The following AGBL4 variants were observed in gnomAD, a reference collection of about 807,000 sequenced individuals.
The protein encoded by AGBL4 is cytosolic carboxypeptidase 6.
A neutral mutation model predicts 66.4 loss-of-function variants in AGBL4; 58 were observed. That is an observed-to-expected ratio of 0.87 (90% CI 0.71 to 1.09). The LOEUF (loss-of-function observed/expected upper bound fraction) is 1.09. AGBL4 is among the 50% of genes least tolerant of loss of function. The pLI, the probability that AGBL4 is intolerant of heterozygous loss-of-function variation, is 0.00. For synonymous variants in AGBL4, 234 were observed against 222.9 expected (o/e 1.05, Z -0.44); for missense variants, 579 against 631.0 (o/e 0.92, Z 0.88).
chr1:49,900,323 A>G, intron 1 of AGBL4, among the ~76,000 whole-genome samples: 1 of 151,816 alleles, frequency 6.6e-6, no homozygotes, highest in East Asian at 2.0e-4. Context: ...TCGGCTCACC[A>G]CAAACTCTGC....
Position 49,293,968 on chromosome 1 carries a change from C to T in AGBL4, c.283-48104G>A, listed in dbSNP as rs1352439736. ...CAGATATGATTTTTCAGCTCTGGAG[C>T]AGAACTAAATCTAAATGTCAACTGA... On this transcript the variant is annotated intron_variant, in intron 3 of 13. Coordinates refer to ENST00000371839, the MANE Select transcript of AGBL4 (RefSeq NM_032785.4). Among the ~76,000 whole-genome samples, 3 of 152,122 alleles carry T rather than the reference C, an allele frequency of 2.0e-5. No homozygotes were observed. The East Asian group carries it at 5.8e-4, about 29-fold the overall frequency.
intron 5 of AGBL4, among the ~76,000 whole-genome samples, chr1:48,942,127 A>T (rs1289007114): frequency 6.6e-6 from 1 of 152,238 alleles, no homozygotes; most frequent in African/African-American, 2.4e-5. Context: ...GAAAGTTGCC[A>T]TTATAAACTC....
chr1:48,759,997 G>A (rs751409704), intron 6 of AGBL4, among the ~76,000 whole-genome samples: 2 of 152,182 alleles, frequency 1.3e-5, no homozygotes, highest in Non-Finnish European at 2.9e-5. Flanking sequence ...TGTTACAGGT[G>A]AGAAAACTGA....
At chr1:50,010,306 CA>C (rs35823694) in intron 1 of AGBL4, among the ~76,000 whole-genome samples, 88,747 of 144,376 alleles carry the variant, frequency 0.61, 26,977 homozygotes, top group Middle Eastern at 0.69. Flanking sequence ...GACTCCATCT[CA>C]AAAAAAAAAA....
At chr1:48,901,604 G>A (rs1652086394) in intron 5 of AGBL4, among the ~76,000 whole-genome samples, 1 of 152,124 alleles carries the variant, frequency 6.6e-6, no homozygotes, top group South Asian at 2.1e-4. Context: ...CTGAGTAAAA[G>A]AAGCCTGACA....
At chr1:49,269,794 C>G (rs1323100417) in intron 3 of AGBL4, among the ~76,000 whole-genome samples, 1 of 152,068 alleles carries the variant, frequency 6.6e-6, no homozygotes, top group South Asian at 2.1e-4. Flanking sequence ...TCTATGTACA[C>G]GTTAATAAAT....
intron 3 of AGBL4, among the ~76,000 whole-genome samples, chr1:49,507,252 T>C (rs1648777667): frequency 1.3e-5 from 2 of 151,948 alleles, no homozygotes; most frequent in Non-Finnish European, 2.9e-5. Context: ...CTAGGACCAA[T>C]TACCAGCCAT....
At chr1:48,796,070 C>T (rs1481564561) in intron 6 of AGBL4, among the ~76,000 whole-genome samples, 1 of 152,246 alleles carries the variant, frequency 6.6e-6, no homozygotes, top group East Asian at 1.9e-4. Context: ...AGTGGGTCAA[C>T]TTCCTTTTAC....
intron 4 of AGBL4, chr1:49,048,366 A>C (rs1644131244): frequency 6.6e-6 from 1 of 152,092 alleles, no homozygotes; most frequent in African/African-American, 2.4e-5. Flanking sequence ...ATTATGTGCT[A>C]TCAGGAGAAT....
intron 3 of AGBL4, among the ~76,000 whole-genome samples, chr1:49,570,320 C>A (rs927351201): frequency 9.9e-5 from 15 of 152,012 alleles, no homozygotes; most frequent in African/African-American, 3.6e-4. Flanking sequence ...GCATTTTTCT[C>A]ATGATTAGTG....
At chr1:49,060,473 G>C (rs1170058254) in intron 4 of AGBL4, among the ~76,000 whole-genome samples, 1 of 152,114 alleles carries the variant, frequency 6.6e-6, no homozygotes, top group Non-Finnish European at 1.5e-5. Context: ...TGAGATAAGA[G>C]ATTTTAAGCA....
chr1:49,258,415 T>G (rs1652755044), intron 3 of AGBL4, among the ~76,000 whole-genome samples: 2 of 152,038 alleles, frequency 1.3e-5, no homozygotes, highest in African/African-American at 4.8e-5. Context: ...TGAAAAAAAT[T>G]TAGACGAATG....
intron 7 of AGBL4, among the ~76,000 whole-genome samples, chr1:48,661,643 G>GAT (rs1646109353): frequency 6.6e-6 from 1 of 152,222 alleles, no homozygotes; most frequent in South Asian, 2.1e-4. Context: ...GAGCACCTGA[G>GAT]ATCCATTCAA....
chr1:48,591,522 T>C (rs1644918797), intron 9 of AGBL4, among the ~76,000 whole-genome samples: 1 of 152,168 alleles, frequency 6.6e-6, no homozygotes, highest in South Asian at 2.1e-4. Flanking sequence ...ACGAGTATTT[T>C]AATTCAAACC....
At position 49,751,559 on chromosome 1, in the gene AGBL4, T is replaced by C. The variant is rs376239709; in HGVS notation, c.158-54122A>G. Among the ~76,000 whole-genome samples the C allele has an allele frequency of 2.6e-5, 4 of 152,132 alleles. No homozygotes were observed. The East Asian group carries it at 7.7e-4, about 29-fold the overall frequency. On this transcript the variant is annotated intron_variant, in intron 2 of 13. Coordinates refer to ENST00000371839, the MANE Select transcript of AGBL4 (RefSeq NM_032785.4). ...GAAATTTTCTTTTGTGTTGGATCTC[T>C]ACCAGGTTTTAGTATCAGAATGATG...
At chr1:48,994,145 T>C (rs924276757) in intron 5 of AGBL4, among the ~76,000 whole-genome samples, 1 of 152,210 alleles carries the variant, frequency 6.6e-6, no homozygotes, top group Non-Finnish European at 1.5e-5. Context: ...CTTTCCCACC[T>C]GTATTCCAGC....
Position 49,510,987 on chromosome 1 carries a change from C to T in AGBL4, c.282+186326G>A, listed in dbSNP as rs959279385. ...TACCATGCTGTTTTGGTTACTGTAGCCTTGTAGTATAGTTTGAAGTCAGGT... is the reference window on the plus strand; with the variant it reads ...TACCATGCTGTTTTGGTTACTGTAGTCTTGTAGTATAGTTTGAAGTCAGGT... On this transcript the variant is annotated intron_variant, in intron 3 of 13. Coordinates refer to ENST00000371839, the MANE Select transcript of AGBL4 (RefSeq NM_032785.4). 1.1e-4 allele frequency among the ~76,000 whole-genome samples: 17 copies of T among 151,754 alleles called. 1 individual carries two copies. Among genetic ancestry groups the T allele is most frequent in the South Asian group, 4.2e-4 (2 of 4,786 alleles).
intron 5 of AGBL4, among the ~76,000 whole-genome samples, chr1:48,888,945 G>A (rs1650642325): frequency 6.6e-6 from 1 of 152,100 alleles, no homozygotes; most frequent in South Asian, 2.1e-4. Flanking sequence ...AAAGAATTTG[G>A]TCTCAGCCTC....
rs1662378062 is a variant in AGBL4 at position 49,011,213 on chromosome 1, G to A, written c.594+34371C>T. Among the ~76,000 whole-genome samples the A allele has an allele frequency of 2.0e-5, 3 of 151,946 alleles. No individual in the cohort carries two copies. In the East Asian group the frequency reaches 5.8e-4, roughly 29 times the overall value. ...AAAACAAACAACCCCATCAAAAAGT[G>A]GGCAAAGGACATGAACAGACACTTC... On this transcript the variant is annotated intron_variant, in intron 5 of 13. Transcript: ENST00000371839.
Sources: allele counts gnomAD v4.1 joint callset (sites outside exome capture counted in the v4.1 genomes callset), GRCh38; gene constraint gnomAD v4.1.1; transcripts MANE v1.5; gene names NCBI Gene and HGNC (gene_info 2026-07-23, HGNC 2026-07-21).